Variants in BMP2K observed in about 807,000 individuals in gnomAD.
The protein encoded by BMP2K is BMP-2-inducible protein kinase.
BMP2K carries 74 observed loss-of-function variants against 116.0 expected under a neutral mutation model. That is an observed-to-expected ratio of 0.64 (90% confidence interval 0.53 to 0.77). BMP2K has a LOEUF of 0.77. Ranked by LOEUF, BMP2K falls within the 30% of genes least tolerant of loss-of-function variation. BMP2K has a pLI of 0.00. For missense variants in BMP2K, 1,365 were observed against 1,403.6 expected (o/e 0.97, Z 0.44); for synonymous variants, 486 against 502.5 (o/e 0.97, Z 0.44).
intron 15 of BMP2K, among the ~76,000 whole-genome samples, chr4:78,899,865 T>C (rs886270103): frequency 6.6e-6 from 1 of 152,190 alleles, no homozygotes; most frequent in African/African-American, 2.4e-5. Context: ...GATTATTCTT[T>C]CCAAGAGTCC....
chr4:78,843,101 G>T (rs1031731283), intron 4 of BMP2K, among the ~76,000 whole-genome samples: 10 of 151,948 alleles, frequency 6.6e-5, no homozygotes, highest in Admixed American at 2.0e-4. Context: ...AAAGAATATT[G>T]AATATTCTGG....
At chr4:78,866,661 T>C (rs2110053072) in intron 10 of BMP2K, among the ~76,000 whole-genome samples, 1 of 152,270 alleles carries the variant, frequency 6.6e-6, no homozygotes, top group Middle Eastern at 3.4e-3. Flanking sequence ...TATTTATTTA[T>C]TTTTTTGAGA....
At chr4:78,788,062 T>C (rs1233803151) in intron 1 of BMP2K, among the ~76,000 whole-genome samples, 2 of 152,230 alleles carry the variant, frequency 1.3e-5, no homozygotes, top group African/African-American at 4.8e-5. Context: ...TTTTTTTTTT[T>C]CCTGAATCTT....
chr4:78,882,371 C>T (rs753891190), intron 14 of BMP2K, among the ~76,000 whole-genome samples: 10 of 151,436 alleles, frequency 6.6e-5, no homozygotes, highest in Non-Finnish European at 1.0e-4. Context: ...TTTACCTGTT[C>T]TTAATTTTAG....
rs1287200478 is a variant in BMP2K, at chr4:78,912,653, T to C, written c.*620T>C. The stretch of plus-strand genomic sequence containing the variant: ...AGTGCCATTAAAATGGAATATCTAA[T>C]GATAAGCATATGAAATAATGTGTAA... On this transcript the variant is annotated 3_prime_UTR_variant, in exon 16 of 16. Coordinates refer to ENST00000502613, the MANE Select transcript of BMP2K (RefSeq NM_198892.2). The C allele has an allele frequency of 6.6e-6, 1 of 152,208 alleles. No homozygotes were observed. Among genetic ancestry groups the C allele is most frequent in the Non-Finnish European group, 1.5e-5 (1 of 68,056 alleles). The allele number at this position is 152,208 out of a possible 1,614,324, so 9.4% of individuals were successfully genotyped here.
chr4:78,902,563 C>T lies in BMP2K; in HGVS notation c.2063-8047C>T, dbSNP rs536478248. On this transcript the variant is annotated intron_variant, in intron 15 of 15. Transcript: ENST00000502613. ...AACTTTGAAGTCTTATAGCCCCTCC[C>T]GTACACCCTCAATGATGAGACAACA... 3.9e-5 allele frequency among the ~76,000 whole-genome samples: 6 copies of T among 152,222 alleles called. No individual in the cohort carries two copies. In the South Asian group the frequency reaches 6.2e-4, roughly 16 times the overall value.
At chr4:78,813,963 T>G (rs1186880557) in intron 1 of BMP2K, among the ~76,000 whole-genome samples, 1 of 152,224 alleles carries the variant, frequency 6.6e-6, no homozygotes, top group Admixed American at 6.5e-5. Context: ...ATTCTGAGCA[T>G]TTAATATATA....
chr4:78,821,291 AC>A (rs1729605367), intron 1 of BMP2K, among the ~76,000 whole-genome samples: 1 of 152,150 alleles, frequency 6.6e-6, no homozygotes, highest in African/African-American at 2.4e-5. Context: ...TTGAGGCTTC[AC>A]TTTAGTGTGA....
chr4:78,906,633 G>C (rs137896639), intron 15 of BMP2K, among the ~76,000 whole-genome samples: 3 of 152,206 alleles, frequency 2.0e-5, no homozygotes, highest in Admixed American at 6.5e-5. Context: ...CAGTTCTGAA[G>C]TGGATCTCAG....
chr4:78,793,178 G>A (rs1035099887), intron 1 of BMP2K, among the ~76,000 whole-genome samples: 2 of 152,030 alleles, frequency 1.3e-5, no homozygotes, highest in East Asian at 1.9e-4. Flanking sequence ...TTGGGAGGTC[G>A]AGGCGGGCGG....
intron 1 of BMP2K, among the ~76,000 whole-genome samples, chr4:78,825,766 C>T (rs572601801): frequency 6.6e-6 from 1 of 152,326 alleles, no homozygotes; most frequent in East Asian, 1.9e-4. Flanking sequence ...CACTATACTA[C>T]ATAAAAGGTA....
At chr4:78,839,253 G>A (rs539092256) in intron 3 of BMP2K, among the ~76,000 whole-genome samples, 12 of 152,290 alleles carry the variant, frequency 7.9e-5, no homozygotes, top group East Asian at 3.9e-4. Flanking sequence ...TCACGTGTCC[G>A]TCATCCTCTT....
At chr4:78,890,479 A>G (rs374636984) in intron 15 of BMP2K, among the ~76,000 whole-genome samples, 1 of 151,932 alleles carries the variant, frequency 6.6e-6, no homozygotes, top group Admixed American at 6.6e-5. Context: ...TGGTTGATTC[A>G]GTGTTCAGTG....
intron 1 of BMP2K, among the ~76,000 whole-genome samples, chr4:78,802,041 A>G (rs995101408): frequency 2.6e-5 from 4 of 152,158 alleles, no homozygotes; most frequent in African/African-American, 9.7e-5. Flanking sequence ...ATTTTTTGTT[A>G]GCTTGAGAAG....
At chr4:78,806,974 C>T (rs931104551) in intron 1 of BMP2K, among the ~76,000 whole-genome samples, 19 of 151,846 alleles carry the variant, frequency 1.3e-4, no homozygotes, top group South Asian at 1.2e-3. Context: ...ATCAGCTTCC[C>T]GAGTAGCTGG....
chr4:78,788,895 G>GTTTTT (rs369759418), intron 1 of BMP2K, among the ~76,000 whole-genome samples: 5 of 107,350 alleles, frequency 4.7e-5, no homozygotes, highest in African/African-American at 6.6e-5. Context: ...AATAGTGGCT[G>GTTTTT]TTTTTTTTTT....
chr4:78,832,079 TTGA>T (rs1300049457), intron 2 of BMP2K, among the ~76,000 whole-genome samples: 1 of 152,190 alleles, frequency 6.6e-6, no homozygotes, highest in African/African-American at 2.4e-5. Context: ...CATTCATCTG[TTGA>T]TGCAGTTTAA....
Position 78,871,909 on chromosome 4 carries a change from A to T in BMP2K, c.1569A>T (p.Val523=), listed in dbSNP as rs776251431. The change falls in exon 12 of 16, where the codon GTA becomes GTT. Residue 523 remains valine (V), a synonymous_variant. Transcript: ENST00000502613. ...AACAACAATTTTTAATGCATTCGGT[A>T]TATCAACCACAACCTTCTGCATCAC... ...MLQQQFLMHS[V]YQPQPSASQY... is the part of the protein sequence containing the mutation. 1 of 1,612,788 alleles carries T rather than the reference A, an allele frequency of 6.2e-7. No individual in the cohort carries two copies. The highest frequency in any genetic ancestry group is 8.5e-7 in the Non-Finnish European group (1 of 1,179,342).
intron 2 of BMP2K, among the ~76,000 whole-genome samples, chr4:78,827,872 T>C (rs1220538822): frequency 6.6e-6 from 1 of 152,252 alleles, no homozygotes; most frequent in Admixed American, 6.5e-5. Context: ...CAGAATGTTG[T>C]CCATTCACTT....
Sources: allele counts gnomAD v4.1 joint callset (sites outside exome capture counted in the v4.1 genomes callset), GRCh38; gene constraint gnomAD v4.1.1; transcripts MANE v1.5; gene names NCBI Gene and HGNC (gene_info 2026-07-23, HGNC 2026-07-21).